Variants in DLST observed in about 807,000 individuals in gnomAD.
The protein encoded by DLST is dihydrolipoyllysine-residue succinyltransferase component of 2-oxoglutarate dehydrogenase complex, mitochondrial.
DLST carries 17 observed loss-of-function variants against 53.1 expected under a neutral mutation model. That is an observed-to-expected ratio of 0.32 (90% CI 0.22 to 0.48). DLST has a LOEUF of 0.48. DLST is among the 20% of genes least tolerant of loss of function. DLST has a pLI of 0.99. For synonymous variants in DLST, 206 were observed against 204.8 expected, an observed-to-expected ratio of 1.01 and a Z score of -0.05; for missense variants, 512 against 583.9, an observed-to-expected ratio of 0.88 and a Z score of 1.27.
At chr14:74,889,799 G>A in intron 5 of DLST, 98 bp from the exon 6 acceptor site, 1 of 1,173,810 alleles carries the variant, frequency 8.5e-7, no homozygotes, top group Non-Finnish European at 1.3e-6. Flanking sequence ...TGGCCCTGTA[G>A]GAAAGGGTTC....
chr14:74,890,804 C>T (rs2012208), intron 6 of DLST, among the ~76,000 whole-genome samples: 2 of 152,126 alleles, frequency 1.3e-5, no homozygotes, highest in South Asian at 2.1e-4. Context: ...CAGGTTCAAG[C>T]GATTCTCGTG....
In DLST at chr14:74,902,322, G is replaced by T; in HGVS notation, c.1354G>T (p.Asp452Tyr). Reference protein sequence around the residue: ...AVEDPRVLLLDL With the variant: ...AVEDPRVLLLYL ...AGAGGATCCCAGAGTCCTCCTCCTG[G>T]ATCTTTAGGAGGAACCCACACACCC... The change falls in exon 15 of 15, where the codon GAT becomes TAT. Residue 452 changes from aspartate (D) to tyrosine (Y), a missense_variant. By Grantham distance (160) the Asp-to-Tyr change is radical. Around this residue, in one of 4 missense-constraint regions of DLST, gnomAD observed 186 missense variants for 260.4 expected, o/e 0.71. Transcript: ENST00000334220. 6.2e-7 allele frequency: 1 copy of T among 1,610,832 alleles called. No homozygotes were observed. The highest frequency in any genetic ancestry group is 8.5e-7 in the Non-Finnish European group (1 of 1,178,616).
intron 1 of DLST, 93 bp from the exon 2 acceptor site, chr14:74,882,498 A>G (rs990982277): frequency 1.0e-4 from 134 of 1,285,058 alleles, no homozygotes; most frequent in Middle Eastern, 2.4e-4. Context: ...ACCTGTCACC[A>G]CCACTGGGAC....
intron 5 of DLST, 127 bp downstream of exon 5, chr14:74,889,476 C>G (rs765962437): frequency 6.6e-6 from 5 of 761,126 alleles, no homozygotes; most frequent in Non-Finnish European, 1.0e-5. Context: ...TCAAGTGATT[C>G]TCCTGCCTCA....
At chr14:74,894,188 G>A (rs76363935) in intron 9 of DLST, 124 bp from the exon 10 acceptor site, 19 of 1,105,742 alleles carry the variant, frequency 1.7e-5, no homozygotes, top group Middle Eastern at 3.1e-4. Flanking sequence ...CCTGGAGCTC[G>A]TGTACTTAGA....
Position 74,899,926 on chromosome 14 carries a change from T to C in DLST, c.905T>C (p.Ile302Thr), listed in dbSNP as rs1884187866. The change falls in exon 12 of 15, where the codon ATT becomes ACT. Residue 302 changes from isoleucine (I) to threonine (T), a missense_variant. Physicochemically the swap from Ile to Thr is moderately conservative, Grantham distance 89 (BLOSUM62 -1). This residue lies in a region of DLST where 186 missense variants were observed against 260.4 expected (regional missense o/e 0.71). Coordinates refer to ENST00000334220, the MANE Select transcript of DLST (RefSeq NM_001933.5). ...ACATGTATTTTCTCTCTCATAGTGA[T>C]TGACGACACAACCAAAGAGGTGGTG... ...LQEQPVVNAV[I>T]DDTTKEVVYR... 6.2e-7 allele frequency: 1 copy of C among 1,612,284 alleles called. No individual in the cohort carries two copies. Among genetic ancestry groups the C allele is most frequent in the Non-Finnish European group, 8.5e-7 (1 of 1,179,154 alleles).
intron 1 of DLST, among the ~76,000 whole-genome samples, 167 bp from the exon 2 acceptor site, chr14:74,882,424 C>T (rs1275762969): frequency 6.6e-6 from 1 of 152,156 alleles, no homozygotes; most frequent in African/African-American, 2.4e-5. Context: ...GTTTGGCAGG[C>T]CCAGCGTGTT....
At position 74,898,362 on chromosome 14, in the gene DLST, T is replaced by C; in HGVS notation, c.771-7T>C. The C allele has an allele frequency of 6.2e-7, 1 of 1,608,724 alleles. No individual in the cohort carries two copies. The highest frequency in any genetic ancestry group is 1.1e-5 in the South Asian group (1 of 90,494). On this transcript the variant is annotated splice_polypyrimidine_tract_variant and splice_region_variant and intron_variant, in intron 10 of 14. Coordinates refer to ENST00000334220, the MANE Select transcript of DLST (RefSeq NM_001933.5). ...TGTGGTCAGTTTGTTTTGTAATATT[T>C]TCACAGTAACATCCAGGAGATGAGG...
intron 3 of DLST, among the ~76,000 whole-genome samples, chr14:74,886,996 C>T (rs1300953835): frequency 6.6e-6 from 1 of 152,138 alleles, no homozygotes; most frequent in Non-Finnish European, 1.5e-5. Flanking sequence ...CCGACTCAGC[C>T]TCCCAAAGTG....
At chr14:74,898,343 C>G (rs1478522533) in intron 10 of DLST, 26 bp from the exon 11 acceptor site, 1 of 1,604,258 alleles carries the variant, frequency 6.2e-7, no homozygotes, top group Admixed American at 1.7e-5. Flanking sequence ...GCTTTGTGGT[C>G]AGTTTGTTTT....
In DLST at chr14:74,881,923, G is replaced by A. The variant is rs761636416; in HGVS notation, c.-31G>A. The A allele has an allele frequency of 8.6e-5, 131 of 1,518,238 alleles. No homozygotes were observed. Among genetic ancestry groups the A allele is most frequent in the Non-Finnish European group, 1.1e-4 (125 of 1,138,532 alleles). 94.0% of individuals were successfully genotyped at this position (1,518,238 alleles called of 1,614,324 possible). On this transcript the variant is annotated 5_prime_UTR_variant, in exon 1 of 15. It adds an upstream start codon to the 5' untranslated region. Coordinates refer to ENST00000334220, the MANE Select transcript of DLST (RefSeq NM_001933.5). Reference sequence around the variant, plus strand: ...CGGTTGTTGTCCGGCCCTATATCCGGTGTCCGCCCGCCCTCGGCTCCTCCG... The same window carrying A: ...CGGTTGTTGTCCGGCCCTATATCCGATGTCCGCCCGCCCTCGGCTCCTCCG...
intron 10 of DLST, among the ~76,000 whole-genome samples, chr14:74,897,903 A>G (rs1287301237): frequency 6.6e-6 from 1 of 151,374 alleles, no homozygotes; most frequent in African/African-American, 2.4e-5. Context: ...AGATAGGAGG[A>G]ATATCACACG....
intron 9 of DLST, among the ~76,000 whole-genome samples, chr14:74,893,841 A>G (rs1883990171): frequency 6.6e-6 from 1 of 152,206 alleles, no homozygotes; most frequent in South Asian, 2.1e-4. Context: ...GCAGACATAA[A>G]GCCTCAAGGA....
intron 8 of DLST, 38 bp downstream of exon 8, chr14:74,893,024 T>G: frequency 1.3e-6 from 2 of 1,593,824 alleles, no homozygotes; most frequent in Non-Finnish European, 1.7e-6. Context: ...TGGGAGAACA[T>G]CTCGTCTAAT....
At chr14:74,896,672 GA>G (rs1365001787) in intron 10 of DLST, among the ~76,000 whole-genome samples, 5 of 152,228 alleles carry the variant, frequency 3.3e-5, no homozygotes, top group Admixed American at 2.0e-4. Flanking sequence ...GGATGTAGGG[GA>G]AGGACCTTGA....
At chr14:74,900,611 G>A (rs746382458) in intron 13 of DLST, among the ~76,000 whole-genome samples, 1 of 152,262 alleles carries the variant, frequency 6.6e-6, no homozygotes, top group Admixed American at 6.5e-5. Flanking sequence ...TCAACTGTAT[G>A]AAATTGTGCC....
intron 11 of DLST, 96 bp from the exon 12 acceptor site, chr14:74,899,827 A>G (rs2064107261): frequency 1.0e-6 from 1 of 967,062 alleles, no homozygotes; most frequent in Non-Finnish European, 1.6e-6. Context: ...CACTGTATCA[A>G]GCTCTGCAGA....
chr14:74,882,771 C>A, intron 2 of DLST, 147 bp downstream of exon 2: 1 of 738,236 alleles, frequency 1.4e-6, no homozygotes, highest in Non-Finnish European at 2.4e-6. Context: ...TAATCACGAG[C>A]TATCGCTTAT....
chr14:74,901,034 C>T (rs1336382048), intron 13 of DLST, 32 bp from the exon 14 acceptor site: 1 of 1,608,890 alleles, frequency 6.2e-7, no homozygotes, highest in Admixed American at 1.7e-5. Flanking sequence ...ACTGGGTTGG[C>T]TTGATATTTC....
Sources: allele counts gnomAD v4.1 joint callset (sites outside exome capture counted in the v4.1 genomes callset), GRCh38; gene constraint gnomAD v4.1.1; regional missense constraint gnomAD v4.1.1; transcripts MANE v1.5; gene names NCBI Gene and HGNC (gene_info 2026-07-23, HGNC 2026-07-21).